The following HSPD1 variants were observed in gnomAD, a reference collection of about 807,000 sequenced individuals.
HSPD1 encodes the protein 60 kDa heat shock protein, mitochondrial.
Under a neutral mutation model 53.0 loss-of-function variants are expected in HSPD1, and 3 were observed. The observed-to-expected ratio is 0.06, with a 90% CI of 0.03 to 0.15. The LOEUF is 0.15. Among genes scored for constraint, HSPD1 ranks in the 10% least tolerant of loss-of-function variants. HSPD1 has a pLI of 1.00. For missense variants in HSPD1, 431 were observed against 694.1 expected, an observed-to-expected ratio of 0.62 and a Z score of 4.26; for synonymous variants, 200 against 228.0, an observed-to-expected ratio of 0.88 and a Z score of 1.10.
At position 197,497,180 on chromosome 2, in the gene HSPD1, C is replaced by T; in HGVS notation, c.387G>A (p.Glu129=). 1 of 1,614,148 alleles carries T rather than the reference C, an allele frequency of 6.2e-7. No homozygotes were observed. Among genetic ancestry groups the T allele is most frequent in the Admixed American group, 1.7e-5 (1 of 60,026 alleles). Residue 129 remains glutamate, a synonymous_variant, in exon 3 of 12, where the codon GAG becomes GAA. Transcript: ENST00000388968. ...LARSIAKEGF[E]KISKGANPVE... ...CTGGATTAGCACCTTTGCTAATCTT[C>T]TCGAAGCCTTCCTTGGCTATAGAGC...
At chr2:197,494,835 C>G in intron 4 of HSPD1, 83 bp from the exon 5 acceptor site, 1 of 886,944 alleles carries the variant, frequency 1.1e-6, no homozygotes, top group Non-Finnish European at 1.9e-6. Context: ...CTAGTAACTT[C>G]CAAATTGATA....
At chr2:197,499,228 A>C (rs541225423) in intron 1 of HSPD1, 1 of 350,988 alleles carries the variant, frequency 2.8e-6, no homozygotes, top group Admixed American at 4.5e-5. Context: ...TACAAATCCA[A>C]GTGACCAGGG....
upstream of HSPD1, chr2:197,500,049 G>C (rs935507239): frequency 6.8e-5 from 16 of 236,838 alleles, no homozygotes; most frequent in Admixed American, 6.1e-4. Context: ...GCTTAGTCTA[G>C]TTCCCGGGCC....
At position 197,488,338 on chromosome 2, in the gene HSPD1, C is replaced by T. The variant is rs763221613; in HGVS notation, c.1369G>A (p.Ala457Thr). ...CIPALDSLTP[A>T]NEDQKIGIEI... is the part of the protein sequence containing the mutation. ...TTACCAATTTTTTGATCTTCATTAG[C>T]TGGAGTCAATGAGTCCAAGGCTGGA... The change falls in exon 10 of 12, where the codon GCT (alanine) becomes ACT (threonine). Residue 457 changes from alanine (A) to threonine (T), a missense_variant. Physicochemically the swap from Ala to Thr is moderately conservative, Grantham distance 58 (BLOSUM62 0). Around this residue, in one of 2 missense-constraint regions of HSPD1, gnomAD observed 386 missense variants for 657.6 expected, o/e 0.59. Transcript: ENST00000388968. 5.6e-6 allele frequency: 9 copies of T among 1,613,830 alleles called. No individual in the cohort carries two copies. The highest frequency in any genetic ancestry group is 6.8e-6 in the Non-Finnish European group (8 of 1,179,872).
At chr2:197,499,995 C>T (rs1320888171), upstream of HSPD1, 1 of 161,606 alleles carries the variant, frequency 6.2e-6, no homozygotes, top group African/African-American at 2.4e-5. Context: ...CCGCCCCTCC[C>T]TACCCGCGCA....
intron 2 of HSPD1, chr2:197,497,596 A>G: frequency 1.7e-6 from 1 of 604,000 alleles, no homozygotes; most frequent in South Asian, 2.0e-5. Flanking sequence ...CTCTGCCAAG[A>G]GCATAATTTT....
At position 197,490,200 on chromosome 2, in the gene HSPD1, A is replaced by G. The variant is rs1160587975; in HGVS notation, c.966T>C (p.Gly322=). The G allele has an allele frequency of 6.3e-7, 1 of 1,599,970 alleles. No individual in the cohort carries two copies. The highest frequency in any genetic ancestry group is 1.7e-5 in the Admixed American group (1 of 60,006). ...QLKDMAIATG[G]AVFGEEGLTL... Reference sequence around the variant, plus strand: ...TTATCACATTTATTTTACTTACTGCACCACCAGTAGCAATAGCCATATCTT... The same window carrying G: ...TTATCACATTTATTTTACTTACTGCGCCACCAGTAGCAATAGCCATATCTT... Residue 322 remains glycine, a synonymous_variant, in exon 8 of 12, where the codon GGT becomes GGC. Coordinates refer to ENST00000388968, the MANE Select transcript of HSPD1 (RefSeq NM_002156.5).
chr2:197,495,505 A>T, intron 3 of HSPD1, 129 bp from the exon 4 acceptor site: 2 of 645,372 alleles, frequency 3.1e-6, no homozygotes, highest in East Asian at 5.8e-5. Context: ...TTTTTTTTTG[A>T]GACAGGGTCT....
At chr2:197,492,905 G>A (rs995177879) in intron 7 of HSPD1, among the ~76,000 whole-genome samples, 1 of 151,236 alleles carries the variant, frequency 6.6e-6, no homozygotes, top group East Asian at 2.0e-4. Flanking sequence ...AGCTGCTTGG[G>A]AGGCTGAGGC....
intron 2 of HSPD1, 104 bp downstream of exon 2, chr2:197,498,571 T>G: frequency 9.6e-7 from 1 of 1,041,794 alleles, no homozygotes; most frequent in Non-Finnish European, 1.5e-6. Flanking sequence ...CTGAGTTCTC[T>G]CAAAAATGGA....
At chr2:197,493,235 G>A (rs1574600176) in intron 7 of HSPD1, 89 bp downstream of exon 7, 1 of 1,077,120 alleles carries the variant, frequency 9.3e-7, no homozygotes, top group East Asian at 2.4e-5. Flanking sequence ...CAAATGTGGA[G>A]GTACACATGA....
rs2086043761 is a variant in HSPD1 at position 197,487,727 on chromosome 2, G to C, written c.1569+131C>G. On this transcript the variant is annotated intron_variant, in intron 11 of 11. Transcript: ENST00000388968. Reference sequence around the variant, plus strand: ...AAATGTACATGAGAATTGTTGATGGGCACAAGAGCTATTGCTGTTGCTACT... The same window carrying C: ...AAATGTACATGAGAATTGTTGATGGCCACAAGAGCTATTGCTGTTGCTACT... The C allele has an allele frequency of 1.1e-5, 8 of 728,548 alleles. No homozygotes were observed. The East Asian group carries it at 2.1e-4, about 19-fold the overall frequency. 45.1% of individuals were successfully genotyped at this position (728,548 alleles called of 1,614,324 possible). A position where few individuals can be genotyped will look rare whatever the true frequency, so the allele number is the denominator to read the frequency against.
chr2:197,487,760 G>A, intron 11 of HSPD1, 98 bp downstream of exon 11: 1 of 957,310 alleles, frequency 1.0e-6, no homozygotes, highest in Non-Finnish European at 1.7e-6. Flanking sequence ...ACTGCTATTA[G>A]ACTATTTTTC....
chr2:197,500,162 C>A (rs1201776551), upstream of HSPD1: 4 of 549,198 alleles, frequency 7.3e-6, no homozygotes, highest in Admixed American at 9.4e-5. Context: ...TCTTTCACCT[C>A]GGCTGGGCGC....
Position 197,490,411 on chromosome 2 carries a change from T to TTG in HSPD1, c.870-117_870-116dup, listed in dbSNP as rs148517124. ...CTCCCTAAGTAATCTGGTTTGGTTTTTGTGTTTTTTTGTTTTTTTTTTGCT... is the reference window on the plus strand; with the variant it reads ...CTCCCTAAGTAATCTGGTTTGGTTTTTGTGTGTTTTTTTGTTTTTTTTTTGCT... On this transcript the variant is annotated intron_variant, in intron 7 of 11. Transcript: ENST00000388968. 494,096 of 739,850 alleles carry TTG rather than the reference T, an allele frequency of 0.67. 168,975 individuals are homozygous for TTG. Among genetic ancestry groups the TTG allele is most frequent in the Middle Eastern group, 0.85 (3,550 of 4,170 alleles). 45.8% of individuals were successfully genotyped at this position (739,850 alleles called of 1,614,324 possible).
chr2:197,488,001 C>A lies in HSPD1; in HGVS notation c.1426G>T (p.Ala476Ser), dbSNP rs375600770. The part of the protein sequence containing the change: ...EIIKRTLKIP[A>S]MTIAKNAGVE... ...CCTGCATTCTTAGCAATGGTCATTG[C>A]TGGAATTTTGAGTGTTCTTTTAATA... Residue 476 changes from alanine to serine, a missense_variant, in exon 11 of 12, where the codon GCA (alanine) becomes TCA (serine). By Grantham distance (99) the Ala-to-Ser change is moderately conservative. Around this residue, in one of 2 missense-constraint regions of HSPD1, gnomAD observed 386 missense variants for 657.6 expected, o/e 0.59. Coordinates refer to ENST00000388968, the MANE Select transcript of HSPD1 (RefSeq NM_002156.5). 3 of 1,611,930 alleles carry A rather than the reference C, an allele frequency of 1.9e-6. No individual in the cohort carries two copies. Among genetic ancestry groups the A allele is most frequent in the Non-Finnish European group, 2.5e-6 (3 of 1,178,476 alleles).
Position 197,497,288 on chromosome 2 carries a change from A to C in HSPD1, c.279T>G (p.Ile93Met), listed in dbSNP as rs547371251. The change falls in exon 3 of 12, where the codon ATT (isoleucine) becomes ATG (methionine). Residue 93 changes from isoleucine to methionine, a missense_variant. By Grantham distance (10) the Ile-to-Met change is conservative. Coordinates refer to ENST00000388968, the MANE Select transcript of HSPD1 (RefSeq NM_002156.5). ...CAACATCTTGAACAAGTTTAGCTCCAATGTTTTTGTATTTATCTTTTAAGT... is the reference window on the plus strand; with the variant it reads ...CAACATCTTGAACAAGTTTAGCTCCCATGTTTTTGTATTTATCTTTTAAGT... ...SIDLKDKYKNIGAKLVQDVAN... is the reference protein window; with the variant it reads ...SIDLKDKYKNMGAKLVQDVAN... The C allele has an allele frequency of 3.0e-5, 49 of 1,613,924 alleles. 1 individual carries two copies. In the South Asian group the frequency reaches 4.9e-4, roughly 16 times the overall value.
chr2:197,494,149 G>A lies in HSPD1; in HGVS notation c.700+8C>T, dbSNP rs185384719. On this transcript the variant is annotated splice_region_variant and intron_variant, in intron 6 of 11. Transcript: ENST00000388968. The stretch of plus-strand genomic sequence containing the variant: ...ATAATAATAATTCAGTTATTGATTT[G>A]TTCTTACCTTTTGATGTATTAATAA... 326 of 1,152,982 alleles carry A rather than the reference G, an allele frequency of 2.8e-4. 1 individual carries two copies. The African/African-American group carries it at 4.6e-3, about 16-fold the overall frequency. The allele number at this position is 1,152,982 out of a possible 1,614,324, so 71.4% of individuals were successfully genotyped here. A position where few individuals can be genotyped will look rare whatever the true frequency, so the allele number is the denominator to read the frequency against.
At chr2:197,488,550 A>T in intron 9 of HSPD1, 59 bp from the exon 10 acceptor site, 1 of 1,483,586 alleles carries the variant, frequency 6.7e-7, no homozygotes, top group Non-Finnish European at 9.4e-7. Flanking sequence ...CTAATTGCCA[A>T]GTCATTTAAA....
Sources: gnomAD v4.1 joint callset for allele counts (sites outside exome capture counted in the v4.1 genomes callset) on GRCh38, gnomAD v4.1.1 for gene constraint, gnomAD v4.1.1 regional missense constraint, MANE v1.5 for transcripts, NCBI Gene and HGNC (gene_info 2026-07-23, HGNC 2026-07-21) for gene names.